Variants in APOLD1 observed in about 807,000 individuals in gnomAD.
The protein encoded by APOLD1 is apolipoprotein L domain-containing protein 1.
In APOLD1, 22 loss-of-function variants were observed where a neutral mutation model predicts 15.3. The ratio of observed to expected loss-of-function variants is 1.44; its 90% CI spans 1.03 to 2.05. APOLD1 has a LOEUF of 2.05. Ranked by LOEUF, APOLD1 falls within the 30% of genes most tolerant of loss-of-function variation. The pLI, the probability that APOLD1 is intolerant of heterozygous loss-of-function variation, is 0.00. For missense variants in APOLD1, 394 were observed against 353.5 expected (o/e 1.11, Z -0.92); for synonymous variants, 190 against 167.4 (o/e 1.13, Z -1.04).
At chr12:12,778,308 A>C (rs1049984534) in intron 1 of APOLD1, among the ~76,000 whole-genome samples, 2 of 148,624 alleles carry the variant, frequency 1.3e-5, no homozygotes, top group African/African-American at 2.5e-5. Context: ...ATACCTCTCT[A>C]TCTTTTTGCT....
At chr12:12,728,630 T>C (rs533150676) in intron 1 of APOLD1, among the ~76,000 whole-genome samples, 4 of 125,630 alleles carry the variant, frequency 3.2e-5, no homozygotes, top group South Asian at 4.8e-4. Context: ...ATCATGCCAC[T>C]GCATGCTGGC....
intron 1 of APOLD1, among the ~76,000 whole-genome samples, chr12:12,737,692 C>A (rs11055034): frequency 0.21 from 32,171 of 151,990 alleles, 4,195 homozygotes; most frequent in East Asian, 0.46. Flanking sequence ...GGGAGCTGGG[C>A]GCTTATCTTT....
chr12:12,740,775 G>A (rs533776088), intron 1 of APOLD1, among the ~76,000 whole-genome samples: 9 of 151,508 alleles, frequency 5.9e-5, no homozygotes, highest in Admixed American at 1.3e-4. Context: ...GCCTCAAAAC[G>A]TAATATTTGG....
intron 1 of APOLD1, among the ~76,000 whole-genome samples, chr12:12,775,606 C>A (rs1366014915): frequency 6.6e-6 from 1 of 152,152 alleles, no homozygotes; most frequent in African/African-American, 2.4e-5. Flanking sequence ...AAAAAATAGT[C>A]TAACAAAGCA....
At chr12:12,742,128 C>A (rs763370964) in intron 1 of APOLD1, among the ~76,000 whole-genome samples, 2 of 152,138 alleles carry the variant, frequency 1.3e-5, no homozygotes, top group Non-Finnish European at 2.9e-5. Flanking sequence ...CAGCTATGTC[C>A]GGAATGGCTC....
intron 1 of APOLD1, among the ~76,000 whole-genome samples, chr12:12,762,535 A>G (rs1324634314): frequency 1.3e-5 from 2 of 151,790 alleles, no homozygotes; most frequent in African/African-American, 4.8e-5. Context: ...TTGTATTTTT[A>G]GTAGAGATGG....
intron 1 of APOLD1, among the ~76,000 whole-genome samples, chr12:12,741,608 T>C (rs1173799451): frequency 1.3e-5 from 2 of 152,136 alleles, no homozygotes; most frequent in Admixed American, 1.3e-4. Context: ...GAGTTATAGC[T>C]CCCTGAAGTT....
chr12:12,751,455 A>T (rs2136380138), intron 1 of APOLD1, among the ~76,000 whole-genome samples: 1 of 152,228 alleles, frequency 6.6e-6, no homozygotes, highest in East Asian at 1.9e-4. Context: ...AGCTCAAGGG[A>T]TCCTCTTGCC....
chr12:12,747,300 C>CA (rs1163507161), intron 1 of APOLD1, among the ~76,000 whole-genome samples: 2 of 152,082 alleles, frequency 1.3e-5, no homozygotes, highest in Non-Finnish European at 2.9e-5. Context: ...GTTAAAAAAA[C>CA]AAAAAACAAA....
intron 1 of APOLD1, among the ~76,000 whole-genome samples, chr12:12,746,439 T>C (rs1946765981): frequency 6.6e-6 from 1 of 152,112 alleles, no homozygotes; most frequent in Non-Finnish European, 1.5e-5. Context: ...GAGGTTGCAG[T>C]GAGCCGAGAT....
At position 12,740,877 on chromosome 12, in the gene APOLD1, C is replaced by G. The variant is rs141813827; in HGVS notation, c.96+14781C>G. Among the ~76,000 whole-genome samples, 629 of 152,234 alleles carry G rather than the reference C, an allele frequency of 4.1e-3. 8 individuals carry two copies. Among genetic ancestry groups the G allele is most frequent in the African/African-American group, 0.014 (569 of 41,552 alleles). Reference sequence around the variant, plus strand: ...TGCGGCTGGGCACGGTGGCTCACGCCTGTAATCCCAGCACTTTGGGAGGCT... The same window carrying G: ...TGCGGCTGGGCACGGTGGCTCACGCGTGTAATCCCAGCACTTTGGGAGGCT... On this transcript the variant is annotated intron_variant, in intron 1 of 1. Transcript: ENST00000326765.
At chr12:12,747,081 T>C (rs1946772106) in intron 1 of APOLD1, among the ~76,000 whole-genome samples, 1 of 152,206 alleles carries the variant, frequency 6.6e-6, no homozygotes, top group African/African-American at 2.4e-5. Flanking sequence ...TCCGCCTTAC[T>C]TTTTAAGTTA....
At chr12:12,734,080 TTATGAGGAGTG>T (rs1398545780) in intron 1 of APOLD1, among the ~76,000 whole-genome samples, 1 of 152,180 alleles carries the variant, frequency 6.6e-6, no homozygotes, top group Non-Finnish European at 1.5e-5. Flanking sequence ...TGTACATGAG[TTATGAGGAGTG>T]TATGCATGTT....
intron 1 of APOLD1, among the ~76,000 whole-genome samples, chr12:12,776,377 G>C: frequency 6.6e-6 from 1 of 152,220 alleles, no homozygotes; most frequent in East Asian, 1.9e-4. Flanking sequence ...CTAAGCCTGA[G>C]AAAGGGCCAG....
intron 1 of APOLD1, among the ~76,000 whole-genome samples, chr12:12,770,222 T>C (rs1045430090): frequency 1.3e-5 from 2 of 152,148 alleles, no homozygotes; most frequent in Non-Finnish European, 2.9e-5. Flanking sequence ...CTGACAAGCA[T>C]GGTGAAACCT....
chr12:12,770,477 A>G (rs921066062), intron 1 of APOLD1, among the ~76,000 whole-genome samples: 1 of 151,688 alleles, frequency 6.6e-6, no homozygotes, highest in African/African-American at 2.4e-5. Context: ...CGTGCTTATT[A>G]GTATACTAAA....
chr12:12,744,037 T>C (rs1373512014), intron 1 of APOLD1, among the ~76,000 whole-genome samples: 1 of 152,198 alleles, frequency 6.6e-6, no homozygotes, highest in East Asian at 1.9e-4. Context: ...TGATGATGGC[T>C]GGGCGTGGTG....
chr12:12,730,451 C>T (rs1946629794), intron 1 of APOLD1, among the ~76,000 whole-genome samples: 1 of 151,662 alleles, frequency 6.6e-6, no homozygotes, highest in Non-Finnish European at 1.5e-5. Flanking sequence ...GAGGCCAGGG[C>T]GGGCAGATCA....
At chr12:12,770,277 T>G (rs966917901) in intron 1 of APOLD1, among the ~76,000 whole-genome samples, 8 of 152,056 alleles carry the variant, frequency 5.3e-5, no homozygotes, top group African/African-American at 1.9e-4. Context: ...TGGTGGCACA[T>G]GCCTGTAACC....
Sources: gnomAD v4.1 joint callset for allele counts (sites outside exome capture counted in the v4.1 genomes callset) on GRCh38, gnomAD v4.1.1 for gene constraint, MANE v1.5 for transcripts, NCBI Gene and HGNC (gene_info 2026-07-23, HGNC 2026-07-21) for gene names.